Variants in MRTO4 observed in about 807,000 individuals in gnomAD.
The protein encoded by MRTO4 is MRT4 homolog, ribosome maturation factor.
Under a neutral mutation model 28.6 loss-of-function variants are expected in MRTO4, and 7 were observed. That is an observed-to-expected ratio of 0.24 (90% CI 0.14 to 0.46). The LOEUF is 0.46. MRTO4 is among the 20% of genes least tolerant of loss of function. MRTO4 has a pLI of 0.99. For missense variants in MRTO4, 302 were observed against 298.3 expected (o/e 1.01, Z -0.09); for synonymous variants, 113 against 108.2 (o/e 1.04, Z -0.27).
intron 2 of MRTO4, among the ~76,000 whole-genome samples, chr1:19,255,146 G>A (rs868619536): frequency 2.0e-5 from 3 of 152,074 alleles, no homozygotes; most frequent in Non-Finnish European, 2.9e-5. Flanking sequence ...TGATGTTGCT[G>A]TTTTGCATTT....
At chr1:19,252,663 T>C (rs1490605999) in intron 1 of MRTO4, among the ~76,000 whole-genome samples, 1 of 152,194 alleles carries the variant, frequency 6.6e-6, no homozygotes, top group Non-Finnish European at 1.5e-5. Context: ...CGCTCCACTG[T>C]ACTGCAGCCT....
chr1:19,258,290 C>T (rs1427706812), intron 6 of MRTO4, among the ~76,000 whole-genome samples, 187 bp from the exon 7 acceptor site: 1 of 152,024 alleles, frequency 6.6e-6, no homozygotes, highest in African/African-American at 2.4e-5. Context: ...GCAAGAGGAT[C>T]ACTAGAGCCC....
At chr1:19,256,331 C>T (rs2093671404) in intron 3 of MRTO4, among the ~76,000 whole-genome samples, 1 of 152,208 alleles carries the variant, frequency 6.6e-6, no homozygotes, top group South Asian at 2.1e-4. Context: ...GCCTGGCCAA[C>T]ATGGCGAAAC....
chr1:19,252,808 A>G (rs1482570747), intron 1 of MRTO4, among the ~76,000 whole-genome samples: 1 of 143,988 alleles, frequency 6.9e-6, no homozygotes, highest in Non-Finnish European at 1.5e-5. Context: ...ACGCCACCAC[A>G]CCCAGCTAGG....
chr1:19,252,053 G>T, intron 1 of MRTO4, 190 bp downstream of exon 1: 1 of 829,020 alleles, frequency 1.2e-6, no homozygotes, highest in Non-Finnish European at 1.8e-6. Context: ...CTGACGCCCG[G>T]TCGGGTCTGG....
chr1:19,252,166 C>G (rs552930100), intron 1 of MRTO4: 1 of 439,590 alleles, frequency 2.3e-6, no homozygotes, highest in Non-Finnish European at 4.1e-6. Context: ...GCTGCCGTTT[C>G]GGCCCACTTT....
At chr1:19,253,913 C>T (rs1461487310) in intron 1 of MRTO4, among the ~76,000 whole-genome samples, 1 of 152,120 alleles carries the variant, frequency 6.6e-6, no homozygotes, top group Non-Finnish European at 1.5e-5. Context: ...AAATTGGGCC[C>T]CAGCCATTTT....
At chr1:19,256,240 G>T (rs1275409519) in intron 3 of MRTO4, among the ~76,000 whole-genome samples, 189 bp downstream of exon 3, 1 of 152,172 alleles carries the variant, frequency 6.6e-6, no homozygotes, top group East Asian at 1.9e-4. Context: ...CTTGGGCAGG[G>T]TGCGGTGGTT....
chr1:19,258,582 G>A (rs375124206), intron 7 of MRTO4, 29 bp downstream of exon 7: 45 of 1,613,828 alleles, frequency 2.8e-5, no homozygotes, highest in Middle Eastern at 3.3e-4. Context: ...GGGCTGTTGC[G>A]GGCGGGGTTG....
At chr1:19,254,192 G>C (rs1419347928) in intron 1 of MRTO4, among the ~76,000 whole-genome samples, 2 of 152,154 alleles carry the variant, frequency 1.3e-5, no homozygotes, top group Non-Finnish European at 2.9e-5. Context: ...GGGCAACATG[G>C]CAAAAGCCAT....
chr1:19,253,449 A>G (rs890595228), intron 1 of MRTO4, among the ~76,000 whole-genome samples: 1 of 152,198 alleles, frequency 6.6e-6, no homozygotes. Flanking sequence ...TTGGCAAGGC[A>G]TTGGCTTTCC....
chr1:19,257,806 C>A, intron 5 of MRTO4, 27 bp from the exon 6 acceptor site: 1 of 1,610,072 alleles, frequency 6.2e-7, no homozygotes, highest in Non-Finnish European at 8.5e-7. Context: ...AGGAGCATCT[C>A]CTCCTACCAC....
At position 19,258,556 on chromosome 1, in the gene MRTO4, G is replaced by A; in HGVS notation, c.570+3G>A. 6.2e-7 allele frequency: 1 copy of A among 1,614,082 alleles called. No individual in the cohort carries two copies. Among genetic ancestry groups the A allele is most frequent in the Non-Finnish European group, 8.5e-7 (1 of 1,180,034 alleles). ...CCCCAGAGCAGGCTCGCGTCCTGGTGAGTCTGGCGCCTTGCGGGCTGTTGC... is the reference window on the plus strand; with the variant it reads ...CCCCAGAGCAGGCTCGCGTCCTGGTAAGTCTGGCGCCTTGCGGGCTGTTGC... On this transcript the variant is annotated splice_donor_region_variant and intron_variant, in intron 7 of 7. Coordinates refer to ENST00000330263, the MANE Select transcript of MRTO4 (RefSeq NM_016183.4).
intron 5 of MRTO4, 56 bp downstream of exon 5, chr1:19,257,577 G>C: frequency 1.3e-6 from 2 of 1,599,290 alleles, no homozygotes; most frequent in Middle Eastern, 1.7e-4. Context: ...ATTTCAGGGA[G>C]GGAATGATGC....
At chr1:19,256,342 C>T (rs1398244459) in intron 3 of MRTO4, among the ~76,000 whole-genome samples, 2 of 152,152 alleles carry the variant, frequency 1.3e-5, no homozygotes, top group African/African-American at 4.8e-5. Flanking sequence ...ATGGCGAAAC[C>T]CCTTCTCTAC....
chr1:19,257,862 A>T lies in MRTO4; in HGVS notation c.371A>T (p.Tyr124Phe). 2 of 1,613,614 alleles carry T rather than the reference A, an allele frequency of 1.2e-6. No homozygotes were observed. The highest frequency in any genetic ancestry group is 2.2e-5 in the South Asian group (2 of 91,052). ...TTCACGAAATACACAGAAATGGACT[A>T]CGCCCGAGCTGGTAACAAAGCAGCT... ...EWFTKYTEMD[Y>F]ARAGNKAAFT... Residue 124 changes from tyrosine (Y) to phenylalanine (F), a missense_variant, in exon 6 of 8, where the codon TAC (tyrosine) becomes TTC (phenylalanine). Physicochemically the swap from Tyr to Phe is conservative, Grantham distance 22. Coordinates refer to ENST00000330263, the MANE Select transcript of MRTO4 (RefSeq NM_016183.4).
intron 7 of MRTO4, 54 bp from the exon 8 acceptor site, chr1:19,258,627 G>A: frequency 6.2e-7 from 1 of 1,614,080 alleles, no homozygotes; most frequent in Non-Finnish European, 8.5e-7. Flanking sequence ...ATGCCCCCCT[G>A]CACTTTGAAT....
intron 6 of MRTO4, 103 bp from the exon 7 acceptor site, chr1:19,258,374 G>A: frequency 7.2e-7 from 1 of 1,380,132 alleles, no homozygotes; most frequent in Non-Finnish European, 1.0e-6. Context: ...TGGAGCCGTG[G>A]GGAGGGCAGG....
Position 19,258,782 on chromosome 1 carries a change from G to C in MRTO4, c.672G>C (p.Glu224Asp), listed in dbSNP as rs143190389. The C allele has an allele frequency of 3.1e-4, 495 of 1,614,204 alleles. 2 individuals are homozygous for C. In the Middle Eastern group the frequency reaches 0.01, roughly 33 times the overall value. ...AGCAGATGGGAGACGACTTGCCAGAGAGCGCATCTGAGTCCACAGAAGAGT... is the reference window on the plus strand; with the variant it reads ...AGCAGATGGGAGACGACTTGCCAGACAGCGCATCTGAGTCCACAGAAGAGT... ...RFQQMGDDLP[E>D]SASESTEESD... The change falls in exon 8 of 8, where the codon GAG becomes GAC. Residue 224 changes from glutamate to aspartate, a missense_variant. Glu to Asp is a conservative substitution (Grantham distance 45). Coordinates refer to ENST00000330263, the MANE Select transcript of MRTO4 (RefSeq NM_016183.4).
Sources: allele counts gnomAD v4.1 joint callset (sites outside exome capture counted in the v4.1 genomes callset), GRCh38; gene constraint gnomAD v4.1.1; transcripts MANE v1.5; gene names NCBI Gene and HGNC (gene_info 2026-07-23, HGNC 2026-07-21).